Variants in OPCML observed in about 807,000 individuals in gnomAD.
OPCML encodes the protein opioid-binding protein/cell adhesion molecule.
Under a neutral mutation model 37.8 loss-of-function variants are expected in OPCML, and 13 were observed. The ratio of observed to expected loss-of-function variants is 0.34; its 90% CI spans 0.22 to 0.55. The LOEUF is 0.55. OPCML is among the 20% of genes least tolerant of loss of function. OPCML has a pLI of 0.91. For synonymous variants in OPCML, 176 were observed against 168.8 expected, an observed-to-expected ratio of 1.04 and a Z score of -0.33; for missense variants, 341 against 435.6, an observed-to-expected ratio of 0.78 and a Z score of 1.93.
intron 3 of OPCML, among the ~76,000 whole-genome samples, chr11:132,644,225 A>G (rs1208402754): frequency 3.9e-5 from 6 of 152,172 alleles, no homozygotes; most frequent in African/African-American, 1.4e-4. Flanking sequence ...TAAAAATACA[A>G]AAATAGCTGG....
intron 2 of OPCML, among the ~76,000 whole-genome samples, chr11:132,692,422 G>A (rs1013216220): frequency 3.7e-4 from 57 of 152,112 alleles, no homozygotes; most frequent in African/African-American, 1.2e-3. Context: ...CTAAGCTACA[G>A]CACTAAACAG....
At chr11:132,737,154 C>T (rs762390345) in intron 2 of OPCML, among the ~76,000 whole-genome samples, 65 of 152,186 alleles carry the variant, frequency 4.3e-4, no homozygotes, top group African/African-American at 1.4e-3. Flanking sequence ...CAAATTCTTC[C>T]GTAACTACAG....
intron 2 of OPCML, among the ~76,000 whole-genome samples, chr11:132,668,435 C>T (rs1218290072): frequency 4.6e-5 from 7 of 152,176 alleles, no homozygotes; most frequent in African/African-American, 1.7e-4. Context: ...CTCTCAGAAT[C>T]TTCATTTGTG....
At chr11:132,486,674 T>A (rs1321814692) in intron 4 of OPCML, among the ~76,000 whole-genome samples, 1 of 152,136 alleles carries the variant, frequency 6.6e-6, no homozygotes, top group Non-Finnish European at 1.5e-5. Flanking sequence ...CTTTTTTTCT[T>A]TATTCCTTTC....
intron 2 of OPCML, among the ~76,000 whole-genome samples, chr11:132,699,128 G>A (rs1230409180): frequency 6.6e-6 from 1 of 151,296 alleles, no homozygotes; most frequent in East Asian, 1.9e-4. Context: ...ATTGTAAATG[G>A]GACTGTTGTT....
chr11:133,035,922 C>T (rs1947774764), intron 1 of OPCML, among the ~76,000 whole-genome samples: 1 of 81,940 alleles, frequency 1.2e-5, no homozygotes, highest in Non-Finnish European at 2.2e-5. Context: ...AAAGAGAGGC[C>T]TCGGAGAAAC....
intron 1 of OPCML, among the ~76,000 whole-genome samples, chr11:133,331,362 A>C (rs1780429215): frequency 6.6e-6 from 1 of 152,068 alleles, no homozygotes; most frequent in South Asian, 2.1e-4. Flanking sequence ...GTAGGCTCCC[A>C]CCCCAGTCCT....
intron 1 of OPCML, among the ~76,000 whole-genome samples, chr11:132,959,831 C>T (rs1247182108): frequency 6.6e-6 from 1 of 152,182 alleles, no homozygotes; most frequent in African/African-American, 2.4e-5. Context: ...AGGAAAACAA[C>T]CCAAATCTGT....
chr11:133,009,887 G>A (rs1241223852), intron 1 of OPCML, among the ~76,000 whole-genome samples: 1 of 152,182 alleles, frequency 6.6e-6, no homozygotes, highest in Admixed American at 6.5e-5. Flanking sequence ...AGAGGTTGGG[G>A]ACCCCTGGGA....
At chr11:132,590,693 A>G (rs1008699171) in intron 3 of OPCML, among the ~76,000 whole-genome samples, 1 of 152,296 alleles carries the variant, frequency 6.6e-6, no homozygotes, top group Non-Finnish European at 1.5e-5. Context: ...ATGACTCTAC[A>G]TGAATTAAAC....
At chr11:133,074,639 G>T (rs1029276471) in intron 1 of OPCML, among the ~76,000 whole-genome samples, 2 of 152,158 alleles carry the variant, frequency 1.3e-5, no homozygotes, top group African/African-American at 4.8e-5. Flanking sequence ...CGGGGCTCTT[G>T]CCCCCAGGAT....
intron 1 of OPCML, among the ~76,000 whole-genome samples, chr11:133,094,716 A>T (rs1408750367): frequency 6.6e-6 from 1 of 152,134 alleles, no homozygotes. Context: ...CTTATTAGGG[A>T]ACCAATGTCT....
chr11:132,618,368 G>A (rs751646503), intron 3 of OPCML, among the ~76,000 whole-genome samples: 2 of 152,088 alleles, frequency 1.3e-5, no homozygotes. Context: ...AGCCAGATGT[G>A]GTGGTGCACC....
At chr11:132,847,231 G>A (rs567134565) in intron 2 of OPCML, among the ~76,000 whole-genome samples, 3 of 152,096 alleles carry the variant, frequency 2.0e-5, no homozygotes, top group East Asian at 1.9e-4. Context: ...AGACACCTTC[G>A]AAGCCATAAA....
In OPCML at chr11:133,343,165, A is replaced by G. The variant is rs147474061; in HGVS notation, c.61+189099T>C. ...CTGAAAGCCACCATTACAAGAGAGT[A>G]ACAAAGTCCAAGTTCTCTCCAGCAA... On this transcript the variant is annotated intron_variant, in intron 1 of 7. Transcript: ENST00000524381. 9.2e-4 allele frequency among the ~76,000 whole-genome samples: 140 copies of G among 152,226 alleles called. 1 individual carries two copies. The highest frequency in any genetic ancestry group is 3.0e-3 in the African/African-American group (123 of 41,538).
At chr11:133,023,607 G>C (rs1947494515) in intron 1 of OPCML, among the ~76,000 whole-genome samples, 1 of 152,158 alleles carries the variant, frequency 6.6e-6, no homozygotes, top group Non-Finnish European at 1.5e-5. Flanking sequence ...TGACTACTCA[G>C]GGACTTCTCA....
At chr11:132,928,497 A>G (rs1252615020) in intron 2 of OPCML, among the ~76,000 whole-genome samples, 1 of 152,066 alleles carries the variant, frequency 6.6e-6, no homozygotes, top group Non-Finnish European at 1.5e-5. Flanking sequence ...AGAATTGAAT[A>G]GAGAAATTGC....
At chr11:133,082,852 C>A (rs982988789) in intron 1 of OPCML, among the ~76,000 whole-genome samples, 10 of 149,714 alleles carry the variant, frequency 6.7e-5, no homozygotes, top group African/African-American at 2.4e-4. Context: ...CTGCAGGGTG[C>A]CGGGGGCCCC....
At chr11:132,761,472 T>C (rs1347322087) in intron 2 of OPCML, among the ~76,000 whole-genome samples, 1 of 152,172 alleles carries the variant, frequency 6.6e-6, no homozygotes, top group African/African-American at 2.4e-5. Flanking sequence ...TGTTTTCACA[T>C]AGTCCCTTAT....
Sources: gnomAD v4.1 joint callset for allele counts (sites outside exome capture counted in the v4.1 genomes callset) on GRCh38, gnomAD v4.1.1 for gene constraint, MANE v1.5 for transcripts, NCBI Gene and HGNC (gene_info 2026-07-23, HGNC 2026-07-21) for gene names.